Variants in TRHDE observed in about 807,000 individuals in gnomAD.
TRHDE encodes thyrotropin releasing hormone degrading enzyme.
In TRHDE, 72 loss-of-function variants were observed where a neutral mutation model predicts 125.7. The ratio of observed to expected loss-of-function variants is 0.57; its 90% CI spans 0.47 to 0.70. The LOEUF is 0.70. TRHDE is among the 30% of genes least tolerant of loss of function. The probability of loss-of-function intolerance (pLI) is 0.00; values close to 1 mark genes in which losing one functional copy is unlikely to be tolerated. For synonymous variants in TRHDE, 509 were observed against 509.1 expected (o/e 1.00, Z 0.00); for missense variants, 1,110 against 1,327.1 (o/e 0.84, Z 2.54).
chr12:72,269,146 G>A (rs4760826), upstream of TRHDE, among the ~76,000 whole-genome samples: 132,728 of 152,042 alleles, frequency 0.87, 57,989 homozygotes, highest in East Asian at 0.94. Context: ...AGGTAGAATG[G>A]ACATTCTCTA....
intron 15 of TRHDE, 41 bp downstream of exon 15, chr12:72,621,792 AGTG>A (rs1404382155): frequency 1.4e-6 from 2 of 1,446,080 alleles, no homozygotes; most frequent in Non-Finnish European, 1.9e-6. Flanking sequence ...ATTATTTAAT[AGTG>A]CTTTCAGAGT....
At chr12:72,128,013 C>CA (rs940076053) in intron 2 of TRHDE, among the ~76,000 whole-genome samples, 14 of 150,612 alleles carry the variant, frequency 9.3e-5, no homozygotes, top group African/African-American at 2.4e-4. Context: ...GAGTGAGCTG[C>CA]AAAAAAAACA....
intron 2 of TRHDE, among the ~76,000 whole-genome samples, chr12:72,334,946 T>C (rs774827553): frequency 6.6e-6 from 1 of 152,134 alleles, no homozygotes; most frequent in African/African-American, 2.4e-5. Flanking sequence ...AGGAATAGGA[T>C]CTTCGTCACT....
intron 2 of TRHDE, among the ~76,000 whole-genome samples, chr12:72,367,734 T>A (rs1252089752): frequency 6.6e-6 from 1 of 152,194 alleles, no homozygotes; most frequent in Non-Finnish European, 1.5e-5. Context: ...CTTTACCGGC[T>A]GCAATTCAGT....
At chr12:72,443,099 T>C (rs2135858389) in intron 3 of TRHDE, among the ~76,000 whole-genome samples, 2 of 151,890 alleles carry the variant, frequency 1.3e-5, no homozygotes, top group Non-Finnish European at 2.9e-5. Context: ...TGACTACCAC[T>C]TTAGCTTCAT....
chr12:72,181,470 C>T (rs1232429740), intron 2 of TRHDE, among the ~76,000 whole-genome samples: 4 of 152,122 alleles, frequency 2.6e-5, no homozygotes, highest in African/African-American at 7.2e-5. Flanking sequence ...CAAACCAGCT[C>T]ACTTTTCTCT....
At chr12:72,399,176 C>T (rs1017565011) in intron 3 of TRHDE, among the ~76,000 whole-genome samples, 2 of 152,198 alleles carry the variant, frequency 1.3e-5, no homozygotes, top group African/African-American at 2.4e-5. Flanking sequence ...CCCATACCCC[C>T]ACCTCTGTCT....
At chr12:72,396,854 C>T (rs577085241) in intron 3 of TRHDE, among the ~76,000 whole-genome samples, 4 of 152,322 alleles carry the variant, frequency 2.6e-5, no homozygotes, top group South Asian at 2.1e-4. Flanking sequence ...GACTCCTTTC[C>T]TGTGTACTTC....
At chr12:72,497,186 G>A (rs1224964406) in intron 5 of TRHDE, among the ~76,000 whole-genome samples, 1 of 152,032 alleles carries the variant, frequency 6.6e-6, no homozygotes, top group African/African-American at 2.4e-5. Flanking sequence ...ACTGGTTATT[G>A]AAATTCTACT....
At chr12:72,268,558 C>T (rs7972362), upstream of TRHDE, among the ~76,000 whole-genome samples, 133,025 of 151,998 alleles carry the variant, frequency 0.88, 58,265 homozygotes, top group East Asian at 0.94. Context: ...TAGTTCTTTC[C>T]CCCGAGCCAA....
At chr12:72,387,175 A>G (rs563955132) in intron 3 of TRHDE, among the ~76,000 whole-genome samples, 4 of 152,302 alleles carry the variant, frequency 2.6e-5, no homozygotes, top group Admixed American at 6.5e-5. Context: ...AGTATATTAA[A>G]TTGGCATGTT....
chr12:72,169,544 C>T (rs904108738), intron 2 of TRHDE, among the ~76,000 whole-genome samples: 1 of 152,022 alleles, frequency 6.6e-6, no homozygotes, highest in African/African-American at 2.4e-5. Flanking sequence ...CTCTGTGTCT[C>T]TTCCTCTTCT....
intron 15 of TRHDE, among the ~76,000 whole-genome samples, chr12:72,643,498 G>T (rs1489781911): frequency 6.6e-6 from 1 of 152,128 alleles, no homozygotes; most frequent in Non-Finnish European, 1.5e-5. Flanking sequence ...ACCTGCCCTT[G>T]TTCTAGGCAG....
At chr12:72,459,233 G>C (rs1876012724) in intron 3 of TRHDE, among the ~76,000 whole-genome samples, 1 of 152,056 alleles carries the variant, frequency 6.6e-6, no homozygotes, top group African/African-American at 2.4e-5. Context: ...TGATGATATT[G>C]GGTCCACCTG....
At chr12:72,585,816 ACT>A (rs1418507356) in intron 12 of TRHDE, among the ~76,000 whole-genome samples, 1 of 152,162 alleles carries the variant, frequency 6.6e-6, no homozygotes, top group Non-Finnish European at 1.5e-5. Flanking sequence ...ATCTCTATCT[ACT>A]CTGTTTCTCA....
chr12:72,108,997 A>G (rs1875252897), intron 2 of TRHDE, among the ~76,000 whole-genome samples: 1 of 152,128 alleles, frequency 6.6e-6, no homozygotes, highest in South Asian at 2.1e-4. Flanking sequence ...TCATTTCCAA[A>G]TCAATTGTTG....
intron 3 of TRHDE, among the ~76,000 whole-genome samples, chr12:72,414,801 C>A (rs560085348): frequency 6.6e-6 from 1 of 152,040 alleles, no homozygotes; most frequent in Non-Finnish European, 1.5e-5. Context: ...ATTTACTGCT[C>A]TTTGTTGATC....
rs573562810 is a variant in TRHDE at position 72,255,811 on chromosome 12, G to C, written n.280-122184G>C. 3.3e-5 allele frequency: 5 copies of C among 152,292 alleles called. No homozygotes were observed. In the East Asian group the frequency reaches 7.7e-4, roughly 24 times the overall value. 9.4% of individuals were successfully genotyped at this position (152,292 alleles called of 1,614,324 possible). ...AAAGGGGGAGAACTGGGTGGGTCCA[G>C]GGCCATTCAGGGAACTGTCCTGCGA... is the stretch of plus-strand genomic sequence containing the variant. On this transcript the variant is annotated intron_variant and non_coding_transcript_variant, in intron 2 of 4. Coordinates refer to the TRHDE transcript ENST00000548156.
At chr12:72,151,749 G>A (rs1477387679) in intron 2 of TRHDE, among the ~76,000 whole-genome samples, 31 of 151,730 alleles carry the variant, frequency 2.0e-4, no homozygotes, top group South Asian at 1.0e-3. Context: ...TGTTCCATTG[G>A]TCTATATCTC....
Sources: allele counts gnomAD v4.1 joint callset (sites outside exome capture counted in the v4.1 genomes callset), GRCh38; gene constraint gnomAD v4.1.1; transcripts MANE v1.5; gene names NCBI Gene and HGNC (gene_info 2026-07-23, HGNC 2026-07-21).